Variants in FANCC observed in about 807,000 individuals in gnomAD.
FANCC encodes the protein Fanconi anemia group C protein.
FANCC carries 55 observed loss-of-function variants against 71.3 expected under a neutral mutation model. The ratio of observed to expected loss-of-function variants is 0.77; its 90% CI spans 0.62 to 0.97. FANCC has a LOEUF of 0.97. Ranked by LOEUF, FANCC falls within the 50% of genes least tolerant of loss-of-function variation. The pLI is 0.00. For missense variants in FANCC, 678 were observed against 670.9 expected, an observed-to-expected ratio of 1.01 and a Z score of -0.12; for synonymous variants, 275 against 244.9, an observed-to-expected ratio of 1.12 and a Z score of -1.15.
intron 8 of FANCC, among the ~76,000 whole-genome samples, chr9:95,133,171 A>G (rs1255156156): frequency 6.6e-6 from 1 of 152,200 alleles, no homozygotes; most frequent in Non-Finnish European, 1.5e-5. Context: ...CCCTGCAATC[A>G]CTTAGCCACG....
At chr9:95,106,959 G>T in intron 14 of FANCC, 107 bp downstream of exon 14, 1 of 1,089,806 alleles carries the variant, frequency 9.2e-7, no homozygotes, top group South Asian at 1.3e-5. Context: ...GTGCTGGGCA[G>T]CATCCTGGTA....
intron 10 of FANCC, among the ~76,000 whole-genome samples, chr9:95,119,908 T>C (rs1160714547): frequency 6.6e-6 from 1 of 152,170 alleles, no homozygotes; most frequent in Non-Finnish European, 1.5e-5. Flanking sequence ...AAAGGGGTCT[T>C]ACTTTGTTGC....
intron 6 of FANCC, among the ~76,000 whole-genome samples, chr9:95,162,605 C>T (rs972835917): frequency 6.6e-6 from 1 of 152,186 alleles, no homozygotes; most frequent in Non-Finnish European, 1.5e-5. Flanking sequence ...ACTCCACATC[C>T]TCATCAATAT....
rs1351306121 is a variant in FANCC at position 95,292,984 on chromosome 9, C to T, written c.-79+24542G>A. ...ATCTACCGAACTGGCCACGAGATCC[C>T]TGCAGAACACAGGGACCCACCTAGT... On this transcript the variant is annotated intron_variant, in intron 1 of 14. Coordinates refer to ENST00000289081, the MANE Select transcript of FANCC (RefSeq NM_000136.3). The T allele has an allele frequency of 1.1e-5, 18 of 1,579,676 alleles. No homozygotes were observed. In the Admixed American group the frequency reaches 2.8e-4, roughly 25 times the overall value.
chr9:95,115,798 C>T (rs2072356024), intron 11 of FANCC, among the ~76,000 whole-genome samples: 1 of 152,202 alleles, frequency 6.6e-6, no homozygotes, highest in African/African-American at 2.4e-5. Context: ...TCGTTTCTTC[C>T]TTTTACTAGC....
chr9:95,101,584 C>T lies in FANCC; in HGVS notation c.*123G>A. 1 of 1,182,550 alleles carries T rather than the reference C, an allele frequency of 8.5e-7. No individual in the cohort carries two copies. The highest frequency in any genetic ancestry group is 1.2e-6 in the Non-Finnish European group (1 of 819,576). The allele number at this position is 1,182,550 out of a possible 1,614,324, so 73.3% of individuals were successfully genotyped here. A position where few individuals can be genotyped will look rare whatever the true frequency, so the allele number is the denominator to read the frequency against. ...GCAGATTGTCCCAAGATGTGTACAG[C>T]TCATTCTCACAGCCCAGCGAGGGCA... On this transcript the variant is annotated 3_prime_UTR_variant, in exon 15 of 15. Coordinates refer to ENST00000289081, the MANE Select transcript of FANCC (RefSeq NM_000136.3).
chr9:95,304,570 C>A (rs1360116646), intron 1 of FANCC, among the ~76,000 whole-genome samples: 2 of 134,440 alleles, frequency 1.5e-5, no homozygotes, highest in South Asian at 2.6e-4. Context: ...CATGGGGAAA[C>A]CCTGTCTCTA....
At chr9:95,285,871 A>G (rs938155283) in intron 1 of FANCC, among the ~76,000 whole-genome samples, 1 of 152,250 alleles carries the variant, frequency 6.6e-6, no homozygotes, top group African/African-American at 2.4e-5. Context: ...AGAGATGTAC[A>G]TGATTGATAT....
intron 4 of FANCC, among the ~76,000 whole-genome samples, chr9:95,238,344 G>T (rs1473266403): frequency 6.6e-6 from 1 of 152,108 alleles, no homozygotes; most frequent in Admixed American, 6.6e-5. Flanking sequence ...TAAGTGTATC[G>T]ACATTTAATC....
chr9:95,244,461 C>CCT (rs1830822027), intron 3 of FANCC, among the ~76,000 whole-genome samples: 1 of 152,076 alleles, frequency 6.6e-6, no homozygotes, highest in African/African-American at 2.4e-5. Flanking sequence ...AGGCAGATCA[C>CCT]AAGGTCAGGA....
At chr9:95,306,458 T>C (rs372121948) in intron 1 of FANCC, among the ~76,000 whole-genome samples, 46 of 152,290 alleles carry the variant, frequency 3.0e-4, no homozygotes, top group South Asian at 2.1e-3. Context: ...TGCGAAAGAC[T>C]TGCTTAACAA....
intron 1 of FANCC, among the ~76,000 whole-genome samples, chr9:95,249,874 T>G (rs997350527): frequency 6.6e-6 from 1 of 152,220 alleles, no homozygotes; most frequent in Non-Finnish European, 1.5e-5. Flanking sequence ...CAGTTTCTCT[T>G]CATTTCTTAG....
chr9:95,303,962 G>A (rs1834915660), intron 1 of FANCC, among the ~76,000 whole-genome samples: 1 of 145,406 alleles, frequency 6.9e-6, no homozygotes, highest in Non-Finnish European at 1.5e-5. Flanking sequence ...GGCTGACCAA[G>A]TGCCCAAGAA....
chr9:95,299,499 A>T (rs1834591355), intron 1 of FANCC, among the ~76,000 whole-genome samples: 1 of 152,186 alleles, frequency 6.6e-6, no homozygotes, highest in South Asian at 2.1e-4. Flanking sequence ...AAGCCCCAGA[A>T]TAGGTTTTAT....
At chr9:95,145,825 G>A (rs1217083775) in intron 7 of FANCC, among the ~76,000 whole-genome samples, 1 of 152,084 alleles carries the variant, frequency 6.6e-6, no homozygotes, top group African/African-American at 2.4e-5. Flanking sequence ...CAAGAGGGCG[G>A]ACATGCTTTA....
intron 1 of FANCC, among the ~76,000 whole-genome samples, chr9:95,255,552 A>G (rs1831609345): frequency 6.6e-6 from 1 of 152,216 alleles, no homozygotes. Flanking sequence ...GGTCACTAAC[A>G]TCAAAGACCA....
intron 4 of FANCC, among the ~76,000 whole-genome samples, chr9:95,206,779 G>C (rs1828147652): frequency 6.6e-6 from 1 of 152,096 alleles, no homozygotes; most frequent in Non-Finnish European, 1.5e-5. Flanking sequence ...AAACATAGCA[G>C]TTGTAAAAAT....
intron 6 of FANCC, among the ~76,000 whole-genome samples, chr9:95,154,356 C>T (rs1830343738): frequency 6.6e-6 from 1 of 150,954 alleles, no homozygotes; most frequent in Non-Finnish European, 1.5e-5. Context: ...AGCACAAACA[C>T]TTTGGAGAAC....
intron 1 of FANCC, chr9:95,317,310 T>TCCCCCCTC (rs1259856075): frequency 1.3e-5 from 2 of 148,694 alleles, no homozygotes; most frequent in African/African-American, 2.5e-5. Flanking sequence ...CCCGCCACCT[T>TCCCCCCTC]CCGCCTCCCG....
Sources: gnomAD v4.1 joint callset for allele counts (sites outside exome capture counted in the v4.1 genomes callset) on GRCh38, gnomAD v4.1.1 for gene constraint, MANE v1.5 for transcripts, NCBI Gene and HGNC (gene_info 2026-07-23, HGNC 2026-07-21) for gene names.